CHN1: variants seen among roughly 807,000 people sequenced by gnomAD.
CHN1 encodes the protein N-chimaerin.
In CHN1, 37 loss-of-function variants were observed where a neutral mutation model predicts 59.5. The ratio of observed to expected loss-of-function variants is 0.62; its 90% CI spans 0.48 to 0.82. The LOEUF is 0.82. Ranked by LOEUF, CHN1 falls within the 40% of genes least tolerant of loss-of-function variation. The pLI, the probability that CHN1 is intolerant of heterozygous loss-of-function variation, is 0.00. For missense variants in CHN1, 469 were observed against 571.0 expected (o/e 0.82, Z 1.82); for synonymous variants, 206 against 200.4 (o/e 1.03, Z -0.24).
rs533389037 is a variant in CHN1 at position 174,951,346 on chromosome 2, G to A, written c.58+818C>T. 2.6e-5 allele frequency among the ~76,000 whole-genome samples: 4 copies of A among 152,232 alleles called. No homozygotes were observed. In the East Asian group the frequency reaches 7.7e-4, roughly 29 times the overall value. ...AAGACCAATGAGAATCTGAATTGCT[G>A]TTCCTTCAGTCAGCAAATTTCAGCA... On this transcript the variant is annotated intron_variant, in intron 2 of 12. Transcript: ENST00000409900.
chr2:175,005,165 C>A lies in CHN1; in HGVS notation c.-253G>T, dbSNP rs1258571541. ...TAGCTCTCCGCGAGCCGGCACTTGT[C>A]GCTGCCATCAGGCGCGGAGCGTGCG... On this transcript the variant is annotated 5_prime_UTR_variant, in exon 1 of 13. Transcript: ENST00000409900. 7.8e-7 allele frequency: 1 copy of A among 1,281,874 alleles called. No individual in the cohort carries two copies. The highest frequency in any genetic ancestry group is 9.9e-7 in the Non-Finnish European group (1 of 1,012,606). 79.4% of individuals were successfully genotyped at this position (1,281,874 alleles called of 1,614,324 possible).
At chr2:174,826,761 T>C (rs1322670359) in intron 7 of CHN1, among the ~76,000 whole-genome samples, 1 of 152,208 alleles carries the variant, frequency 6.6e-6, no homozygotes, top group African/African-American at 2.4e-5. Flanking sequence ...GATATTTCTT[T>C]ATATTAGATA....
rs1558979805 is a variant in CHN1 at position 174,915,180 on chromosome 2, C to T, written c.147-9G>A. 2.5e-6 allele frequency: 4 copies of T among 1,595,268 alleles called. No homozygotes were observed. In the South Asian group the frequency reaches 4.5e-5, roughly 18 times the overall value. On this transcript the variant is annotated splice_polypyrimidine_tract_variant and intron_variant, in intron 4 of 12. Transcript: ENST00000409900. Reference sequence around the variant, plus strand: ...AGATCATGCCATGAAACCTAAGAAACAAAGTCTATTCAGAAACTGTGCTTT... The same window carrying T: ...AGATCATGCCATGAAACCTAAGAAATAAAGTCTATTCAGAAACTGTGCTTT...
chr2:174,800,199 C>T lies in CHN1; in HGVS notation c.1297G>A (p.Asp433Asn). The change falls in exon 13 of 13, where the codon GAC becomes AAC. Residue 433 changes from aspartate (D) to asparagine (N), a missense_variant. By Grantham distance (23) the Asp-to-Asn change is conservative. Transcript: ENST00000409900. ...ATATCATTCAATGCAGCCATGGCGT[C>T]TAGTTCTGGAGATCTCATAAGGGTG... is the stretch of plus-strand genomic sequence containing the variant. ...GPTLMRSPEL[D>N]AMAALNDIRY... 6.6e-7 allele frequency: 1 copy of T among 1,525,914 alleles called. No homozygotes were observed. Among genetic ancestry groups the T allele is most frequent in the African/African-American group, 1.4e-5 (1 of 72,044 alleles). The allele number at this position is 1,525,914 out of a possible 1,614,324, so 94.5% of individuals were successfully genotyped here.
chr2:174,943,730 C>T (rs1280590513), intron 3 of CHN1, among the ~76,000 whole-genome samples: 3 of 152,032 alleles, frequency 2.0e-5, no homozygotes, highest in Non-Finnish European at 4.4e-5. Context: ...TTCATCCACT[C>T]CTTATCATAA....
intron 7 of CHN1, among the ~76,000 whole-genome samples, chr2:174,839,959 A>C (rs1006263318): frequency 6.6e-6 from 1 of 151,920 alleles, no homozygotes; most frequent in African/African-American, 2.4e-5. Flanking sequence ...TCACACACAA[A>C]AAAAAATCTC....
intron 1 of CHN1, among the ~76,000 whole-genome samples, chr2:174,987,079 T>C (rs1403298376): frequency 1.3e-5 from 2 of 152,204 alleles, no homozygotes; most frequent in African/African-American, 4.8e-5. Flanking sequence ...CAGCTTACTT[T>C]ATTGTAAGAA....
chr2:174,891,038 G>T (rs1432557128), intron 5 of CHN1, among the ~76,000 whole-genome samples: 1 of 150,438 alleles, frequency 6.6e-6, no homozygotes, highest in Non-Finnish European at 1.5e-5. Context: ...CTACTTGGGA[G>T]GCTGAGGCAG....
intron 6 of CHN1, among the ~76,000 whole-genome samples, chr2:174,870,931 G>C (rs868259623): frequency 1.3e-5 from 2 of 152,170 alleles, no homozygotes; most frequent in Middle Eastern, 3.4e-3. Flanking sequence ...GTCTTCTGTT[G>C]GCCTGGTTCT....
chr2:174,990,190 A>G (rs1387512364), intron 1 of CHN1, among the ~76,000 whole-genome samples: 3 of 150,998 alleles, frequency 2.0e-5, no homozygotes, highest in Non-Finnish European at 4.4e-5. Flanking sequence ...TGCTCCTGAC[A>G]TTGGCAGACT....
intron 1 of CHN1, among the ~76,000 whole-genome samples, chr2:174,999,151 A>G (rs912216954): frequency 6.6e-6 from 1 of 152,086 alleles, no homozygotes; most frequent in Non-Finnish European, 1.5e-5. Flanking sequence ...TTTTAAGGAT[A>G]GTAGGATTAT....
intron 6 of CHN1, 52 bp from the exon 7 acceptor site, chr2:174,847,009 T>A: frequency 6.4e-7 from 1 of 1,551,696 alleles, no homozygotes; most frequent in East Asian, 2.4e-5. Flanking sequence ...CAGACGACTT[T>A]GGAGAACCCA....
At chr2:174,846,571 T>A (rs548388304) in intron 7 of CHN1, among the ~76,000 whole-genome samples, 2 of 152,298 alleles carry the variant, frequency 1.3e-5, no homozygotes, top group South Asian at 4.1e-4. Flanking sequence ...CACATTTGTA[T>A]CACAAATAAA....
At chr2:174,837,543 T>C (rs928845763) in intron 7 of CHN1, among the ~76,000 whole-genome samples, 7 of 152,214 alleles carry the variant, frequency 4.6e-5, no homozygotes, top group African/African-American at 1.7e-4. Context: ...GCCAGTTCTA[T>C]TTTTGCTCCC....
intron 3 of CHN1, among the ~76,000 whole-genome samples, chr2:174,926,895 C>G (rs1689180018): frequency 1.3e-5 from 2 of 151,876 alleles, no homozygotes; most frequent in Admixed American, 1.3e-4. Context: ...GTAGCTGGGA[C>G]TAAAGGCGCC....
rs1421619393 is a variant in CHN1 at position 174,798,815 on chromosome 2, CAT to C, written c.*1299_*1300del. 6.6e-6 allele frequency among the ~76,000 whole-genome samples: 1 copy of C among 152,196 alleles called. No individual in the cohort carries two copies. Among genetic ancestry groups the C allele is most frequent in the Non-Finnish European group, 1.5e-5 (1 of 68,038 alleles). ...TTTGGAATAATCTTCAAAGTTTGAA[CAT>C]GTGTCTTTTATTGTTAAAAATTTGA... On this transcript the variant is annotated 3_prime_UTR_variant, in exon 13 of 13. Transcript: ENST00000409900.
chr2:174,850,375 G>A (rs1686690436), intron 6 of CHN1, among the ~76,000 whole-genome samples: 1 of 152,080 alleles, frequency 6.6e-6, no homozygotes, highest in Non-Finnish European at 1.5e-5. Context: ...GGGGCAGTGT[G>A]GTATAATGAA....
chr2:174,889,169 C>T (rs761169617), intron 5 of CHN1, among the ~76,000 whole-genome samples: 130 of 152,276 alleles, frequency 8.5e-4, no homozygotes, highest in Non-Finnish European at 1.3e-3. Context: ...AGAGAAAACA[C>T]ATCTCCCCTA....
intron 3 of CHN1, among the ~76,000 whole-genome samples, chr2:174,936,200 G>T (rs1039364573): frequency 1.3e-5 from 2 of 152,024 alleles, no homozygotes; most frequent in African/African-American, 4.8e-5. Context: ...CCAACTCCCT[G>T]CAACACTAAC....
Sources: allele counts gnomAD v4.1 joint callset (sites outside exome capture counted in the v4.1 genomes callset), GRCh38; gene constraint gnomAD v4.1.1; transcripts MANE v1.5; gene names NCBI Gene and HGNC (gene_info 2026-07-23, HGNC 2026-07-21).